Variants in CRYBG1 observed in about 807,000 individuals in gnomAD.
CRYBG1 encodes the protein beta/gamma crystallin domain-containing protein 1.
A neutral mutation model predicts 189.2 loss-of-function variants in CRYBG1; 139 were observed. The observed-to-expected ratio is 0.73, with a 90% confidence interval of 0.64 to 0.85. CRYBG1 has a LOEUF of 0.85. Among genes scored for constraint, CRYBG1 ranks in the 40% least tolerant of loss-of-function variants. The pLI is 0.00. For synonymous variants in CRYBG1, 1,023 were observed against 1,017.1 expected (o/e 1.01, Z -0.11); for missense variants, 2,611 against 2,675.8 (o/e 0.98, Z 0.53).
chr6:106,423,696 T>TC (rs1771174123), intron 1 of CRYBG1, among the ~76,000 whole-genome samples: 2 of 20,154 alleles, frequency 9.9e-5, no homozygotes, highest in African/African-American at 2.7e-4. Flanking sequence ...CTCCCTCCCC[T>TC]TTTTTTTTTT....
At chr6:106,399,593 G>C (rs942107359) in intron 1 of CRYBG1, among the ~76,000 whole-genome samples, 3 of 151,976 alleles carry the variant, frequency 2.0e-5, no homozygotes, top group African/African-American at 7.2e-5. Context: ...GGCTTAGTAA[G>C]AACTTTTCTG....
rs1774599468 is a variant in CRYBG1 at position 106,558,090 on chromosome 6, T to A, written c.5716-396T>A. Among the ~76,000 whole-genome samples the A allele has an allele frequency of 4.6e-5, 7 of 152,234 alleles. No individual in the cohort carries two copies. In the South Asian group the frequency reaches 1.4e-3, roughly 31 times the overall value. On this transcript the variant is annotated intron_variant, in intron 17 of 21. Transcript: ENST00000633556. The stretch of plus-strand genomic sequence containing the variant: ...GCAATACCACTGTACACTAAGTGAC[T>A]AAACATCAGATGCCACAGCCCTCTG...
chr6:106,377,616 A>T (rs3047172), intron 1 of CRYBG1, among the ~76,000 whole-genome samples: 138,629 of 144,978 alleles, frequency 0.96, 66,228 homozygotes, highest in East Asian at 1. Flanking sequence ...ATAAGTCCTA[A>T]GGTTTTATAT....
chr6:106,541,038 A>C (rs1582827402), intron 9 of CRYBG1: 1 of 254,090 alleles, frequency 3.9e-6, no homozygotes, highest in Non-Finnish European at 8.0e-6. Flanking sequence ...TGAGTCCCCC[A>C]GATCTTATTA....
chr6:106,469,967 C>T (rs559667142), intron 2 of CRYBG1, among the ~76,000 whole-genome samples: 17 of 152,200 alleles, frequency 1.1e-4, no homozygotes, highest in Non-Finnish European at 2.1e-4. Context: ...TCACTTGTGC[C>T]GACAGAGTAG....
chr6:106,513,916 G>A (rs1477590317), intron 3 of CRYBG1, among the ~76,000 whole-genome samples: 1 of 152,192 alleles, frequency 6.6e-6, no homozygotes, highest in Non-Finnish European at 1.5e-5. Flanking sequence ...TTCTGTGCAA[G>A]ATATTGTGCT....
intron 1 of CRYBG1, among the ~76,000 whole-genome samples, chr6:106,431,906 A>T (rs897495378): frequency 6.6e-6 from 1 of 152,154 alleles, no homozygotes; most frequent in Non-Finnish European, 1.5e-5. Flanking sequence ...GATGCAAATG[A>T]CATGATGAAT....
At chr6:106,557,348 G>A (rs567746410) in intron 17 of CRYBG1, among the ~76,000 whole-genome samples, 2 of 151,882 alleles carry the variant, frequency 1.3e-5, no homozygotes, top group African/African-American at 4.8e-5. Context: ...GTAAGGTACC[G>A]CACCCTTTCC....
chr6:106,383,968 T>A (rs1223993903), intron 1 of CRYBG1, among the ~76,000 whole-genome samples: 1 of 152,176 alleles, frequency 6.6e-6, no homozygotes, highest in Non-Finnish European at 1.5e-5. Context: ...AAAAGAAGCT[T>A]CCTTGTTCAT....
chr6:106,474,679 A>G (rs1772300254), intron 2 of CRYBG1, among the ~76,000 whole-genome samples: 1 of 152,046 alleles, frequency 6.6e-6, no homozygotes, highest in Non-Finnish European at 1.5e-5. Flanking sequence ...GACCAAGGGG[A>G]GGCTGTGTGC....
At position 106,373,133 on chromosome 6, in the gene CRYBG1, A is replaced by G. The variant is rs548792215; in HGVS notation, c.173+12052A>G. The stretch of plus-strand genomic sequence containing the variant: ...GGAAGCATTTCCTCCTTTTGATTAC[A>G]TGCACCCTACTTGGTCCCATTGTAC... On this transcript the variant is annotated intron_variant, in intron 1 of 21. Coordinates refer to ENST00000633556, the MANE Select transcript of CRYBG1 (RefSeq NM_001371242.2). Among the ~76,000 whole-genome samples, 5 of 152,282 alleles carry G rather than the reference A, an allele frequency of 3.3e-5. No homozygotes were observed. In the East Asian group the frequency reaches 5.8e-4, roughly 18 times the overall value.
intron 1 of CRYBG1, among the ~76,000 whole-genome samples, chr6:106,400,660 C>T (rs62420811): frequency 6.6e-6 from 1 of 152,012 alleles, no homozygotes; most frequent in East Asian, 1.9e-4. Flanking sequence ...AAGTATCAGG[C>T]ACTATACCAG....
chr6:106,438,195 C>T (rs1040574119), intron 1 of CRYBG1, among the ~76,000 whole-genome samples: 2 of 152,200 alleles, frequency 1.3e-5, no homozygotes, highest in African/African-American at 2.4e-5. Flanking sequence ...TGAAGGCCAG[C>T]GTCCCTAAAA....
chr6:106,370,224 G>A (rs1385729966), intron 1 of CRYBG1, among the ~76,000 whole-genome samples: 4 of 152,196 alleles, frequency 2.6e-5, no homozygotes, highest in Non-Finnish European at 5.9e-5. Context: ...AAAGTATCAT[G>A]TGTAGATTCT....
chr6:106,480,239 A>C (rs1456356154), intron 2 of CRYBG1, among the ~76,000 whole-genome samples: 1 of 152,156 alleles, frequency 6.6e-6, no homozygotes, highest in Non-Finnish European at 1.5e-5. Flanking sequence ...CTGGTTAGGC[A>C]CAGTATGATA....
intron 1 of CRYBG1, among the ~76,000 whole-genome samples, chr6:106,428,172 G>A (rs1485451236): frequency 6.6e-6 from 1 of 152,120 alleles, no homozygotes; most frequent in East Asian, 1.9e-4. Flanking sequence ...CTCTCATTCA[G>A]AAGTAAGCTC....
chr6:106,496,630 T>C (rs1046956895), intron 2 of CRYBG1, among the ~76,000 whole-genome samples: 1 of 152,206 alleles, frequency 6.6e-6, no homozygotes, highest in Admixed American at 6.5e-5. Flanking sequence ...TAATTATAAA[T>C]ATCTAAAAAT....
chr6:106,475,708 A>C (rs1474600198), intron 2 of CRYBG1, among the ~76,000 whole-genome samples: 1 of 152,226 alleles, frequency 6.6e-6, no homozygotes, highest in Non-Finnish European at 1.5e-5. Flanking sequence ...TAGTCACTGA[A>C]GGTATCTGAG....
chr6:106,511,300 A>G (rs1270771371), intron 2 of CRYBG1, 130 bp from the exon 3 acceptor site: 4 of 919,106 alleles, frequency 4.4e-6, no homozygotes, highest in Non-Finnish European at 6.2e-6. Flanking sequence ...TGTAACATAA[A>G]CATAACTTTA....
Sources: gnomAD v4.1 joint callset for allele counts (sites outside exome capture counted in the v4.1 genomes callset) on GRCh38, gnomAD v4.1.1 for gene constraint, MANE v1.5 for transcripts, NCBI Gene and HGNC (gene_info 2026-07-23, HGNC 2026-07-21) for gene names.